The following RBFOX1 variants were observed in gnomAD, a reference collection of about 807,000 sequenced individuals.
RBFOX1 encodes RNA binding protein fox-1 homolog 1.
Under a neutral mutation model 57.7 loss-of-function variants are expected in RBFOX1, and 8 were observed. The ratio of observed to expected loss-of-function variants is 0.14; its 90% CI spans 0.08 to 0.25. The LOEUF is 0.25. Among genes scored for constraint, RBFOX1 ranks in the 10% least tolerant of loss-of-function variants. The pLI, the probability that RBFOX1 is intolerant of heterozygous loss-of-function variation, is 1.00. For missense variants in RBFOX1, 611 were observed against 548.5 expected, an observed-to-expected ratio of 1.11 and a Z score of -1.14; for synonymous variants, 326 against 222.4, an observed-to-expected ratio of 1.47 and a Z score of -4.15.
chr16:5,470,507 ATC>A (rs896150191), intron 2 of RBFOX1, among the ~76,000 whole-genome samples: 2 of 151,800 alleles, frequency 1.3e-5, no homozygotes, highest in African/African-American at 2.4e-5. Flanking sequence ...ATCTCTATTT[ATC>A]TCTCTCCCTC....
At chr16:5,992,364 A>C (rs1337069746) in intron 4 of RBFOX1, among the ~76,000 whole-genome samples, 1 of 152,214 alleles carries the variant, frequency 6.6e-6, no homozygotes, top group African/African-American at 2.4e-5. Context: ...AATTGACTCA[A>C]ATTTTATCTA....
chr16:6,709,257 G>T (rs908020567), intron 3 of RBFOX1, among the ~76,000 whole-genome samples: 1 of 152,140 alleles, frequency 6.6e-6, no homozygotes, highest in Non-Finnish European at 1.5e-5. Context: ...ACGAGCGGAT[G>T]CAATTATTTT....
At chr16:5,486,789 GT>G (rs112522616) in intron 2 of RBFOX1, among the ~76,000 whole-genome samples, 176 of 147,262 alleles carry the variant, frequency 1.2e-3, no homozygotes, top group East Asian at 2.8e-3. Flanking sequence ...AAAACTCAGT[GT>G]TTTTTTTTTT....
In RBFOX1 at chr16:5,465,987, T is replaced by A. The variant is rs551585133; in HGVS notation, c.220-1229T>A. Among the ~76,000 whole-genome samples the A allele has an allele frequency of 2.6e-5, 4 of 152,006 alleles. No homozygotes were observed. In the South Asian group the frequency reaches 8.4e-4, roughly 32 times the overall value. On this transcript the variant is annotated intron_variant, in intron 1 of 2. Transcript: ENST00000585867. ...AGTCTGGAGCCCTTGATGGGACCAG[T>A]TGGTTTTGGGGCAATTTCCTTGGCT...
At chr16:5,367,428 C>T (rs539695581) in intron 1 of RBFOX1, among the ~76,000 whole-genome samples, 1 of 152,148 alleles carries the variant, frequency 6.6e-6, no homozygotes, top group Non-Finnish European at 1.5e-5. Flanking sequence ...GGAACTGTCT[C>T]TCCAAGCTGC....
At chr16:6,079,077 G>A (rs1244511234) in intron 1 of RBFOX1, among the ~76,000 whole-genome samples, 2 of 152,176 alleles carry the variant, frequency 1.3e-5, no homozygotes, top group Non-Finnish European at 2.9e-5. Flanking sequence ...GGGAGGCTGA[G>A]GCAGGCAGAT....
intron 2 of RBFOX1, among the ~76,000 whole-genome samples, chr16:6,346,118 C>T (rs944237561): frequency 6.6e-6 from 1 of 152,170 alleles, no homozygotes; most frequent in Admixed American, 6.5e-5. Flanking sequence ...TGGCCCTAAG[C>T]ATTTCCCAGC....
chr16:7,274,005 C>T (rs1258457114), intron 4 of RBFOX1, among the ~76,000 whole-genome samples: 1 of 152,158 alleles, frequency 6.6e-6, no homozygotes, highest in East Asian at 1.9e-4. Context: ...AAGGACCCTC[C>T]TTTCCACTAA....
chr16:7,012,682 C>T (rs909807649), intron 3 of RBFOX1, among the ~76,000 whole-genome samples: 2 of 152,134 alleles, frequency 1.3e-5, no homozygotes, highest in Non-Finnish European at 2.9e-5. Flanking sequence ...TTTAAGCTGA[C>T]TTTATCAGCA....
At chr16:6,201,672 A>G (rs1010415096) in intron 1 of RBFOX1, among the ~76,000 whole-genome samples, 1 of 152,206 alleles carries the variant, frequency 6.6e-6, no homozygotes, top group African/African-American at 2.4e-5. Context: ...GAGTGGAATT[A>G]GAATGTTCCT....
intron 3 of RBFOX1, among the ~76,000 whole-genome samples, chr16:6,829,416 G>T (rs1260444898): frequency 6.6e-6 from 1 of 150,744 alleles, no homozygotes; most frequent in Non-Finnish European, 1.5e-5. Context: ...GATTGTAAAA[G>T]GCTATTTGTA....
chr16:6,019,702 C>G lies in RBFOX1; in HGVS notation c.-417C>G. ...GAGAACTCCGAGCTTCTTGCCCAGG[C>G]AGAGAGAGCAGGAGCGGACCGCGCG... On this transcript the variant is annotated 5_prime_UTR_variant, in exon 1 of 16. Transcript: ENST00000550418. The surrounding 1 kb of genome is among the most constrained non-coding windows in gnomAD (Gnocchi z 4.2). 1 of 1,346,568 alleles carries G rather than the reference C, an allele frequency of 7.4e-7. No homozygotes were observed. The highest frequency in any genetic ancestry group is 9.5e-7 in the Non-Finnish European group (1 of 1,049,028). The allele number at this position is 1,346,568 out of a possible 1,614,324, so 83.4% of individuals were successfully genotyped here.
At chr16:7,206,025 C>A (rs1485926231) in intron 4 of RBFOX1, among the ~76,000 whole-genome samples, 3 of 152,192 alleles carry the variant, frequency 2.0e-5, no homozygotes, top group Admixed American at 1.3e-4. Flanking sequence ...GGCTTGCCCA[C>A]CCAGAGGCGA....
chr16:5,510,641 G>A (rs1287410197), intron 2 of RBFOX1, among the ~76,000 whole-genome samples: 3 of 152,192 alleles, frequency 2.0e-5, no homozygotes, highest in African/African-American at 7.2e-5. Context: ...CTGCAAGGTA[G>A]GTTAATAGCA....
intron 4 of RBFOX1, among the ~76,000 whole-genome samples, chr16:5,876,828 C>G (rs1404900586): frequency 1.3e-5 from 2 of 152,166 alleles, no homozygotes; most frequent in Non-Finnish European, 2.9e-5. Context: ...CTGTCATAGT[C>G]TGTAATGTTG....
At chr16:7,503,730 A>C (rs576764102) in intron 4 of RBFOX1, among the ~76,000 whole-genome samples, 1 of 152,212 alleles carries the variant, frequency 6.6e-6, no homozygotes. Flanking sequence ...TTAAAATTCA[A>C]AATGCATCTG....
intron 4 of RBFOX1, among the ~76,000 whole-genome samples, chr16:7,370,558 C>T (rs537013914): frequency 6.6e-6 from 1 of 152,292 alleles, no homozygotes; most frequent in African/African-American, 2.4e-5. Context: ...CTCTAAAGGG[C>T]ATGCTTGATA....
chr16:7,459,113 A>C (rs888497517), intron 4 of RBFOX1, among the ~76,000 whole-genome samples: 4 of 152,056 alleles, frequency 2.6e-5, no homozygotes, highest in Non-Finnish European at 5.9e-5. Context: ...GAATGGATGT[A>C]ACAGTTGGGT....
intron 2 of RBFOX1, among the ~76,000 whole-genome samples, chr16:5,475,086 T>C (rs78915960): frequency 0.012 from 1,876 of 152,296 alleles, 24 homozygotes; most frequent in East Asian, 0.046. Context: ...AAGTGGCACA[T>C]GGATGGATTT....
Sources: allele counts gnomAD v4.1 joint callset (sites outside exome capture counted in the v4.1 genomes callset), GRCh38; gene constraint gnomAD v4.1.1; non-coding constraint Gnocchi (gnomAD v3.1); transcripts MANE v1.5; gene names NCBI Gene and HGNC (gene_info 2026-07-23, HGNC 2026-07-21).